Variants in ECM2 observed in about 807,000 individuals in gnomAD.
The protein encoded by ECM2 is extracellular matrix protein 2, female organ and adipocyte specific.
A neutral mutation model predicts 67.5 loss-of-function variants in ECM2; 57 were observed. The observed-to-expected ratio is 0.84, with a 90% CI of 0.68 to 1.05. ECM2 has a LOEUF of 1.05. Ranked by LOEUF, ECM2 falls within the 50% of genes least tolerant of loss-of-function variation. The pLI is 0.00. For missense variants in ECM2, 741 were observed against 822.8 expected (o/e 0.90, Z 1.22); for synonymous variants, 258 against 294.5 (o/e 0.88, Z 1.27).
chr9:92,505,888 T>C (rs1469782226), intron 6 of ECM2, among the ~76,000 whole-genome samples, 198 bp from the exon 7 acceptor site: 1 of 152,116 alleles, frequency 6.6e-6, no homozygotes, highest in Non-Finnish European at 1.5e-5. Flanking sequence ...CAGAACTAAA[T>C]GCATGGTCCA....
intron 1 of ECM2, among the ~76,000 whole-genome samples, chr9:92,529,884 G>A (rs1182843978): frequency 6.6e-6 from 1 of 152,168 alleles, no homozygotes; most frequent in African/African-American, 2.4e-5. Flanking sequence ...TATATCACAG[G>A]TTCTGCATCT....
chr9:92,539,343 G>GC (rs1168702226), upstream of ECM2, among the ~76,000 whole-genome samples: 2 of 73,868 alleles, frequency 2.7e-5, no homozygotes, highest in African/African-American at 1.1e-4. Flanking sequence ...GCCTTCCCCC[G>GC]CTCCCCCACC....
At chr9:92,551,271 G>C in the ECM2 span, among the ~76,000 whole-genome samples, 1 of 152,116 alleles carries the variant, frequency 6.6e-6, no homozygotes, top group Non-Finnish European at 1.5e-5. Context: ...ATATAGTACT[G>C]TTATATAGTA....
intron 8 of ECM2, 101 bp from the exon 9 acceptor site, chr9:92,501,154 T>C: frequency 8.3e-7 from 1 of 1,199,888 alleles, no homozygotes; most frequent in South Asian, 1.5e-5. Flanking sequence ...CATTTTCCTA[T>C]AAGCACCCAG....
At chr9:92,508,003 C>T (rs1847107417) in intron 6 of ECM2, among the ~76,000 whole-genome samples, 1 of 152,160 alleles carries the variant, frequency 6.6e-6, no homozygotes, top group South Asian at 2.1e-4. Context: ...TTTTCTCTCC[C>T]TGGAGTGCCC....
chr9:92,503,682 T>A (rs1164499454), intron 7 of ECM2, among the ~76,000 whole-genome samples: 1 of 152,244 alleles, frequency 6.6e-6, no homozygotes, highest in Non-Finnish European at 1.5e-5. Flanking sequence ...CATATATCTT[T>A]AGTGTCACCT....
At chr9:92,498,538 A>C (rs1846489977) in intron 9 of ECM2, among the ~76,000 whole-genome samples, 2 of 152,120 alleles carry the variant, frequency 1.3e-5, no homozygotes, top group African/African-American at 2.4e-5. Flanking sequence ...TGGAATTAAA[A>C]ATATTTAACA....
chr9:92,512,254 G>A, intron 4 of ECM2, 128 bp from the exon 5 acceptor site: 1 of 525,734 alleles, frequency 1.9e-6, no homozygotes, highest in Non-Finnish European at 3.4e-6. Flanking sequence ...CTCAGAACAA[G>A]GACAGAATAT....
At chr9:92,520,909 A>G (rs895510168) in intron 2 of ECM2, among the ~76,000 whole-genome samples, 1 of 152,254 alleles carries the variant, frequency 6.6e-6, no homozygotes, top group African/African-American at 2.4e-5. Context: ...CAGAATAGGC[A>G]AATTCATAGA....
At chr9:92,514,208 C>T (rs930563214) in intron 4 of ECM2, among the ~76,000 whole-genome samples, 1 of 151,296 alleles carries the variant, frequency 6.6e-6, no homozygotes, top group Non-Finnish European at 1.5e-5. Flanking sequence ...GCCATTCCCC[C>T]ACCTCAGCCT....
Position 92,495,442 on chromosome 9 carries a change from G to T in ECM2, c.*873C>A, listed in dbSNP as rs1846300790. The stretch of plus-strand genomic sequence containing the variant: ...TTAAGGCAAAGGAGATAGATGCTAT[G>T]ACCAGTGGTGCAAAATTTTTCAAAA... On this transcript the variant is annotated 3_prime_UTR_variant, in exon 10 of 10. Coordinates refer to ENST00000344604, the MANE Select transcript of ECM2 (RefSeq NM_001393.4). 1 of 985,188 alleles carries T rather than the reference G, an allele frequency of 1.0e-6. No homozygotes were observed. Among genetic ancestry groups the T allele is most frequent in the Non-Finnish European group, 1.2e-6 (1 of 829,762 alleles). 61.0% of individuals were successfully genotyped at this position (985,188 alleles called of 1,614,324 possible). A position where few individuals can be genotyped will look rare whatever the true frequency, so the allele number is the denominator to read the frequency against.
At chr9:92,507,972 T>C (rs1447500768) in intron 6 of ECM2, among the ~76,000 whole-genome samples, 4 of 152,186 alleles carry the variant, frequency 2.6e-5, no homozygotes, top group South Asian at 2.1e-4. Context: ...AATTGTCTCA[T>C]TTATTTGCAT....
At chr9:92,505,383 GA>G in intron 7 of ECM2, 149 bp downstream of exon 7, 1 of 690,718 alleles carries the variant, frequency 1.4e-6, no homozygotes. Context: ...ATTGCTTGAA[GA>G]AAAAACAATG....
At chr9:92,494,839 A>AGAGGTTGCAGTGAGCC (rs1298831076), downstream of ECM2, among the ~76,000 whole-genome samples, 3 of 152,074 alleles carry the variant, frequency 2.0e-5, no homozygotes, top group Non-Finnish European at 4.4e-5. Flanking sequence ...CCCAGGAGGC[A>AGAGGTTGCAGTGAGCC]GAGGTTGCAG....
chr9:92,552,663 G>A, the ECM2 span, among the ~76,000 whole-genome samples: 5 of 151,788 alleles, frequency 3.3e-5, no homozygotes, highest in Admixed American at 1.3e-4. Context: ...TTGTCTATTC[G>A]TGTCATTAGC....
At chr9:92,552,018 TGATA>T in the ECM2 span, among the ~76,000 whole-genome samples, 766 of 142,796 alleles carry the variant, frequency 5.4e-3, 99 homozygotes, top group African/African-American at 0.017. Flanking sequence ...ATATATGATA[TGATA>T]GATCTATCAT....
rs755948443 is a variant in ECM2, at chr9:92,515,062, T to C, written c.623A>G (p.Lys208Arg). Residue 208 changes from lysine to arginine, a missense_variant, in exon 4 of 10, where the codon AAA (lysine) becomes AGA (arginine). Coordinates refer to ENST00000344604, the MANE Select transcript of ECM2 (RefSeq NM_001393.4). The part of the protein sequence containing the change: ...PQVGMDRIVR[K>R]EALQSEEDEE... ...ATCCTCCTCAGATTGAAGTGCTTCT[T>C]TTCTTACTATTCGGTCCATTCCCAC... is the stretch of plus-strand genomic sequence containing the variant. 1.6e-5 allele frequency: 26 copies of C among 1,614,176 alleles called. No individual in the cohort carries two copies. The highest frequency in any genetic ancestry group is 2.2e-5 in the Non-Finnish European group (26 of 1,180,036).
intron 4 of ECM2, 101 bp from the exon 5 acceptor site, chr9:92,512,227 TGGA>T (rs1318851941): frequency 6.0e-6 from 4 of 667,050 alleles, no homozygotes; most frequent in Non-Finnish European, 1.0e-5. Flanking sequence ...GAGCTTTGTC[TGGA>T]GGAGAAAGCA....
At chr9:92,509,473 G>C (rs983817175) in intron 6 of ECM2, among the ~76,000 whole-genome samples, 3 of 152,120 alleles carry the variant, frequency 2.0e-5, no homozygotes, top group Non-Finnish European at 4.4e-5. Context: ...TTGTGGGTGG[G>C]GTCTGTTGAC....
Sources: allele counts gnomAD v4.1 joint callset (sites outside exome capture counted in the v4.1 genomes callset), GRCh38; gene constraint gnomAD v4.1.1; transcripts MANE v1.5; gene names NCBI Gene and HGNC (gene_info 2026-07-23, HGNC 2026-07-21).